Variants in GRIK4 observed in about 807,000 individuals in gnomAD.
The protein encoded by GRIK4 is glutamate receptor ionotropic, kainate 4.
Under a neutral mutation model 104.9 loss-of-function variants are expected in GRIK4, and 40 were observed. That is an observed-to-expected ratio of 0.38 (90% CI 0.30 to 0.50). GRIK4 has a LOEUF of 0.50. Among genes scored for constraint, GRIK4 ranks in the 20% least tolerant of loss-of-function variants. The probability of loss-of-function intolerance (pLI) is 0.93; values close to 1 mark genes in which losing one functional copy is unlikely to be tolerated. For missense variants in GRIK4, 1,047 were observed against 1,308.1 expected, an observed-to-expected ratio of 0.80 and a Z score of 3.08; for synonymous variants, 485 against 524.9, an observed-to-expected ratio of 0.92 and a Z score of 1.04.
chr11:120,589,521 T>C (rs1321655087), intron 1 of GRIK4, among the ~76,000 whole-genome samples: 3 of 152,196 alleles, frequency 2.0e-5, no homozygotes, highest in Non-Finnish European at 4.4e-5. Context: ...TGTCTCACTA[T>C]AGCAGTCGAG....
rs367593579 is a variant in GRIK4 at position 120,956,827 on chromosome 11, G to T, written c.1748G>T (p.Arg583Leu). The T allele has an allele frequency of 5.6e-6, 9 of 1,613,606 alleles. No homozygotes were observed. Among genetic ancestry groups the T allele is most frequent in the Non-Finnish European group, 6.8e-6 (8 of 1,179,808 alleles). Residue 583 changes from arginine to leucine, a missense_variant, in exon 16 of 21, where the codon CGG becomes CTG. This residue lies in a region of GRIK4 where 440 missense variants were observed against 652.3 expected (regional missense o/e 0.67). Coordinates refer to ENST00000527524, the MANE Select transcript of GRIK4 (RefSeq NM_014619.5). This position sits in a 1 kb window ranked among gnomAD's most constrained non-coding sequence, Gnocchi z 4.6. The part of the protein sequence containing the change: ...WYSPHPCAQG[R>L]CNLLVNQYSL... ...AGCCCACACCCATGTGCCCAGGGCC[G>T]GTGCAACCTCCTGGTGAACCAGTAC... is the stretch of plus-strand genomic sequence containing the variant.
At chr11:120,867,058 TAA>T (rs1954439675) in intron 9 of GRIK4, among the ~76,000 whole-genome samples, 1 of 152,042 alleles carries the variant, frequency 6.6e-6, no homozygotes, top group South Asian at 2.1e-4. Flanking sequence ...CACTCCAATA[TAA>T]CCTGGAGTAG....
chr11:120,618,733 A>G (rs759078964), intron 1 of GRIK4, among the ~76,000 whole-genome samples: 5 of 152,230 alleles, frequency 3.3e-5, no homozygotes, highest in Non-Finnish European at 7.4e-5. Context: ...TTCAGAGGGT[A>G]CAAGTCATAA....
intron 13 of GRIK4, among the ~76,000 whole-genome samples, chr11:120,928,228 A>AAAAAG (rs1279145329): frequency 1.3e-5 from 2 of 151,052 alleles, no homozygotes; most frequent in East Asian, 3.9e-4. Context: ...AAAAAAAAAA[A>AAAAAG]AAGCTAGAAG....
At chr11:120,924,756 G>A (rs904072931) in intron 13 of GRIK4, among the ~76,000 whole-genome samples, 3 of 152,208 alleles carry the variant, frequency 2.0e-5, no homozygotes, top group African/African-American at 4.8e-5. Flanking sequence ...CAGTTTTGGG[G>A]TATGACTATT....
chr11:120,631,481 G>C (rs1000855809), intron 1 of GRIK4, among the ~76,000 whole-genome samples: 6 of 152,136 alleles, frequency 3.9e-5, no homozygotes, highest in Admixed American at 2.6e-4. Context: ...CCAGGCCTCC[G>C]AGTCGATGGG....
intron 3 of GRIK4, among the ~76,000 whole-genome samples, chr11:120,681,389 G>A (rs911599669): frequency 6.6e-6 from 1 of 152,170 alleles, no homozygotes; most frequent in Non-Finnish European, 1.5e-5. Context: ...CCCAGCCTGG[G>A]ATTCCATGTT....
chr11:120,783,217 C>T (rs74457159), intron 3 of GRIK4, among the ~76,000 whole-genome samples: 31 of 152,316 alleles, frequency 2.0e-4, no homozygotes, highest in African/African-American at 5.1e-4. Flanking sequence ...TCTGTGCCTA[C>T]GGTTAGGACT....
intron 3 of GRIK4, among the ~76,000 whole-genome samples, chr11:120,779,956 C>A (rs2135471183): frequency 6.6e-6 from 1 of 152,306 alleles, no homozygotes; most frequent in South Asian, 2.1e-4. Context: ...TTGGGGCAGC[C>A]TGTGGATGCC....
chr11:120,557,738 C>T (rs1050082828), intron 1 of GRIK4, among the ~76,000 whole-genome samples: 5 of 152,052 alleles, frequency 3.3e-5, no homozygotes, highest in East Asian at 1.9e-4. Flanking sequence ...GTAATCGGGC[C>T]GGGCGCGGTG....
chr11:120,590,103 A>G (rs933947056), intron 1 of GRIK4, among the ~76,000 whole-genome samples: 9 of 152,186 alleles, frequency 5.9e-5, no homozygotes, highest in African/African-American at 1.7e-4. Flanking sequence ...TTTTTCATCC[A>G]TGAAGGATTC....
rs1952467477 is a variant in GRIK4 at position 120,794,317 on chromosome 11, G to A, written c.83-8376G>A. On this transcript the variant is annotated intron_variant, in intron 3 of 20. Transcript: ENST00000527524. ...GGTTGGAGGGGAAGGGTGGTGTTAG[G>A]GGCTGAGAGTCGGGTGATGGTTTTG... Among the ~76,000 whole-genome samples, 2 of 151,728 alleles carry A rather than the reference G, an allele frequency of 1.3e-5. 1 individual carries two copies. The highest frequency in any genetic ancestry group is 4.2e-4 in the South Asian group (2 of 4,808).
At chr11:120,615,736 T>G (rs186563703) in intron 1 of GRIK4, among the ~76,000 whole-genome samples, 45 of 152,288 alleles carry the variant, frequency 3.0e-4, no homozygotes, top group Non-Finnish European at 5.3e-4. Context: ...AGCTTGTGGG[T>G]GGGGATCCCC....
chr11:120,676,805 G>A (rs1950105629), intron 3 of GRIK4, among the ~76,000 whole-genome samples: 1 of 152,206 alleles, frequency 6.6e-6, no homozygotes, highest in African/African-American at 2.4e-5. Context: ...CCAAACCATA[G>A]CACCATGGAA....
intron 8 of GRIK4, among the ~76,000 whole-genome samples, chr11:120,856,868 T>C (rs1386825389): frequency 6.6e-6 from 1 of 152,182 alleles, no homozygotes; most frequent in Non-Finnish European, 1.5e-5. Context: ...TCCTCAGGAT[T>C]GACTAAATCC....
chr11:120,712,757 C>T (rs994191489), intron 3 of GRIK4, among the ~76,000 whole-genome samples: 1 of 152,204 alleles, frequency 6.6e-6, no homozygotes, highest in Non-Finnish European at 1.5e-5. Context: ...GTTGGCCCTC[C>T]TGGGCCTAGA....
chr11:120,797,187 C>T (rs1281703926), intron 3 of GRIK4, among the ~76,000 whole-genome samples: 2 of 152,182 alleles, frequency 1.3e-5, no homozygotes, highest in Non-Finnish European at 2.9e-5. Flanking sequence ...GGTCTCTGAA[C>T]GCATCTCCCC....
chr11:120,762,476 G>A (rs923998900), intron 3 of GRIK4, among the ~76,000 whole-genome samples: 36 of 152,180 alleles, frequency 2.4e-4, no homozygotes, highest in African/African-American at 8.2e-4. Context: ...TTCCAATACT[G>A]TGTTGAATAG....
chr11:120,861,173 A>G (rs1480796535), intron 8 of GRIK4, among the ~76,000 whole-genome samples: 2 of 144,434 alleles, frequency 1.4e-5, no homozygotes, highest in African/African-American at 5.3e-5. Flanking sequence ...CAATGGCACA[A>G]TCTCGGCTCA....
Sources: gnomAD v4.1 joint callset for allele counts (sites outside exome capture counted in the v4.1 genomes callset) on GRCh38, gnomAD v4.1.1 for gene constraint, gnomAD v4.1.1 regional missense constraint, Gnocchi (gnomAD v3.1) non-coding constraint, MANE v1.5 for transcripts, NCBI Gene and HGNC (gene_info 2026-07-23, HGNC 2026-07-21) for gene names.